DPYD: variants seen among roughly 807,000 people sequenced by gnomAD.
The protein encoded by DPYD is dihydropyrimidine dehydrogenase, also known as dihydropyrimidine dehydrogenase [NADP(+)].
A neutral mutation model predicts 116.2 loss-of-function variants in DPYD; 109 were observed. The ratio of observed to expected loss-of-function variants is 0.94; its 90% CI spans 0.80 to 1.10. The LOEUF (loss-of-function observed/expected upper bound fraction) is 1.10. Ranked by LOEUF, DPYD falls within the 50% of genes least tolerant of loss-of-function variation. DPYD has a pLI of 0.00. For missense variants in DPYD, 1,302 were observed against 1,254.5 expected, an observed-to-expected ratio of 1.04 and a Z score of -0.57; for synonymous variants, 440 against 432.0, an observed-to-expected ratio of 1.02 and a Z score of -0.23.
At chr1:97,778,155 C>A (rs79845032) in intron 3 of DPYD, among the ~76,000 whole-genome samples, 34 of 11,036 alleles carry the variant, frequency 3.1e-3, no homozygotes, top group African/African-American at 5.1e-3. Context: ...AAGACCCTGT[C>A]AAAAAAAAAA....
At chr1:97,884,167 ATTG>A (rs1408744627) in intron 1 of DPYD, among the ~76,000 whole-genome samples, 3 of 152,022 alleles carry the variant, frequency 2.0e-5, no homozygotes, top group Non-Finnish European at 2.9e-5. Flanking sequence ...AAATCGAGTA[ATTG>A]TTATTGTATT....
chr1:97,901,980 T>C (rs574995172), intron 1 of DPYD, among the ~76,000 whole-genome samples: 1 of 151,932 alleles, frequency 6.6e-6, no homozygotes, highest in Non-Finnish European at 1.5e-5. Flanking sequence ...ACCCTCAAAT[T>C]CTTGTATTCC....
At chr1:97,851,378 T>C (rs911562456) in intron 2 of DPYD, among the ~76,000 whole-genome samples, 11 of 151,874 alleles carry the variant, frequency 7.2e-5, no homozygotes, top group African/African-American at 2.4e-4. Context: ...TAGTGTAATA[T>C]GTCACTTCAT....
At chr1:97,602,697 T>C (rs982878165) in intron 8 of DPYD, among the ~76,000 whole-genome samples, 4 of 151,980 alleles carry the variant, frequency 2.6e-5, no homozygotes, top group African/African-American at 4.8e-5. Flanking sequence ...TGTACTTTTA[T>C]AACAGATCAT....
At chr1:97,258,954 A>T (rs1280948218) in intron 18 of DPYD, among the ~76,000 whole-genome samples, 1 of 152,122 alleles carries the variant, frequency 6.6e-6, no homozygotes, top group Non-Finnish European at 1.5e-5. Context: ...AAACCTTGTG[A>T]CTAATTAGAA....
intron 3 of DPYD, among the ~76,000 whole-genome samples, chr1:97,753,839 T>G (rs1049446694): frequency 6.6e-6 from 1 of 151,796 alleles, no homozygotes; most frequent in African/African-American, 2.4e-5. Context: ...ATATAATGGA[T>G]AAAATAAAAA....
intron 20 of DPYD, among the ~76,000 whole-genome samples, chr1:97,161,650 C>T (rs1235654372): frequency 1.3e-5 from 2 of 150,434 alleles, no homozygotes; most frequent in African/African-American, 4.9e-5. Flanking sequence ...ATACATGTGC[C>T]ATGCTGGTGT....
chr1:97,291,580 C>T (rs6689930), intron 18 of DPYD, among the ~76,000 whole-genome samples: 46,985 of 151,736 alleles, frequency 0.31, 7,631 homozygotes, highest in Non-Finnish European at 0.35. Flanking sequence ...AGTAAACTAT[C>T]GCAAGGACAA....
intron 14 of DPYD, among the ~76,000 whole-genome samples, chr1:97,426,379 A>G (rs538375483): frequency 6.1e-4 from 93 of 152,136 alleles, no homozygotes; most frequent in Non-Finnish European, 1.2e-3. Context: ...AAATGCTGAC[A>G]GCAGACAAAG....
At chr1:97,639,228 A>C (rs1196912940) in intron 8 of DPYD, among the ~76,000 whole-genome samples, 2 of 152,182 alleles carry the variant, frequency 1.3e-5, no homozygotes, top group Non-Finnish European at 2.9e-5. Flanking sequence ...TCAGGATTGC[A>C]ATAATGACTT....
intron 10 of DPYD, among the ~76,000 whole-genome samples, chr1:97,588,403 C>T (rs1006179502): frequency 1.3e-5 from 2 of 152,006 alleles, no homozygotes; most frequent in Non-Finnish European, 2.9e-5. Context: ...ATCCTCTTCT[C>T]GGTAATAATT....
At chr1:97,645,380 A>G (rs1454110020) in intron 8 of DPYD, among the ~76,000 whole-genome samples, 2 of 152,104 alleles carry the variant, frequency 1.3e-5, no homozygotes, top group African/African-American at 4.8e-5. Context: ...TCTCTTCAAA[A>G]GTTTAGAAGT....
At chr1:97,887,426 T>A (rs1391189098) in intron 1 of DPYD, among the ~76,000 whole-genome samples, 1 of 128,494 alleles carries the variant, frequency 7.8e-6, no homozygotes, top group Non-Finnish European at 1.6e-5. Context: ...GCTGTGACCA[T>A]GCCACTTTAC....
intron 12 of DPYD, among the ~76,000 whole-genome samples, chr1:97,530,895 T>C (rs1162793484): frequency 6.6e-6 from 1 of 152,218 alleles, no homozygotes; most frequent in Non-Finnish European, 1.5e-5. Flanking sequence ...CATGTACCTG[T>C]TGGCCATTTG....
At chr1:97,901,725 CA>C (rs1048594726) in intron 1 of DPYD, among the ~76,000 whole-genome samples, 18 of 151,684 alleles carry the variant, frequency 1.2e-4, no homozygotes, top group Admixed American at 2.0e-4. Flanking sequence ...GCAACAATAA[CA>C]AAAAACTGAC....
intron 12 of DPYD, among the ~76,000 whole-genome samples, chr1:97,520,417 C>T (rs1648562406): frequency 6.6e-6 from 1 of 152,160 alleles, no homozygotes; most frequent in Admixed American, 6.6e-5. Context: ...CTTCTTGGGA[C>T]ATTTCCTTAC....
chr1:97,462,616 A>T (rs1352730577), intron 13 of DPYD, among the ~76,000 whole-genome samples: 1 of 152,204 alleles, frequency 6.6e-6, no homozygotes, highest in Non-Finnish European at 1.5e-5. Context: ...GACTGATGAA[A>T]CAAACTTTTT....
At chr1:97,227,702 TA>T (rs1661284694) in intron 19 of DPYD, among the ~76,000 whole-genome samples, 1 of 148,190 alleles carries the variant, frequency 6.7e-6, no homozygotes, top group Non-Finnish European at 1.5e-5. Flanking sequence ...ATGGATTTTA[TA>T]AATAAATTTC....
intron 19 of DPYD, among the ~76,000 whole-genome samples, chr1:97,228,289 C>T (rs1176038518): frequency 1.3e-5 from 2 of 151,970 alleles, no homozygotes; most frequent in African/African-American, 4.8e-5. Context: ...AAGGTATGCG[C>T]TATCACACTT....
Sources: allele counts gnomAD v4.1 joint callset (sites outside exome capture counted in the v4.1 genomes callset), GRCh38; gene constraint gnomAD v4.1.1; transcripts MANE v1.5; gene names NCBI Gene and HGNC (gene_info 2026-07-23, HGNC 2026-07-21).